Variants in PSPC1 observed in about 807,000 individuals in gnomAD.
The protein encoded by PSPC1 is paraspeckle component 1.
In PSPC1, 14 loss-of-function variants were observed where a neutral mutation model predicts 51.6. The ratio of observed to expected loss-of-function variants is 0.27; its 90% CI spans 0.18 to 0.42. PSPC1 has a LOEUF of 0.42. Among genes scored for constraint, PSPC1 ranks in the 10% least tolerant of loss-of-function variants. PSPC1 has a pLI of 1.00. For synonymous variants in PSPC1, 193 were observed against 231.9 expected (o/e 0.83, Z 1.53); for missense variants, 406 against 701.1 (o/e 0.58, Z 4.75).
intron 6 of PSPC1, among the ~76,000 whole-genome samples, chr13:19,695,456 G>A (rs1452391562): frequency 3.9e-5 from 6 of 152,070 alleles, no homozygotes; most frequent in African/African-American, 7.2e-5. Context: ...AAATTTAATG[G>A]CTTCAGATAA....
Position 19,782,151 on chromosome 13 carries a change from C to A in PSPC1, c.372+235G>T, listed in dbSNP as rs912836562. On this transcript the variant is annotated intron_variant, in intron 1 of 8. Transcript: ENST00000338910. The surrounding 1 kb of genome is among the most constrained non-coding windows in gnomAD (Gnocchi z 4.5). ...GCCACCGCAAAGCACGATCGGCGCA[C>A]GGCAGAAAACGGCGGCCACTGTGAG... Among the ~76,000 whole-genome samples the A allele has an allele frequency of 1.3e-5, 2 of 152,332 alleles. No homozygotes were observed. The highest frequency in any genetic ancestry group is 4.1e-4 in the South Asian group (2 of 4,830).
chr13:19,778,519 T>C (rs1214425378), intron 1 of PSPC1, among the ~76,000 whole-genome samples: 9 of 142,010 alleles, frequency 6.3e-5, no homozygotes, highest in African/African-American at 1.0e-4. Context: ...ATGCCTGCAA[T>C]TGCAGGCACG....
intron 6 of PSPC1, among the ~76,000 whole-genome samples, chr13:19,724,846 A>G (rs942271690): frequency 6.6e-6 from 1 of 152,102 alleles, no homozygotes; most frequent in Non-Finnish European, 1.5e-5. Context: ...TAAAAATACA[A>G]AAATTACCCA....
chr13:19,717,792 C>G (rs1231189094), intron 6 of PSPC1, among the ~76,000 whole-genome samples: 2 of 150,018 alleles, frequency 1.3e-5, no homozygotes, highest in Non-Finnish European at 3.0e-5. Context: ...ACAGGAGAAT[C>G]ACTTGATCAG....
At chr13:19,717,958 C>A (rs1882321552) in intron 6 of PSPC1, among the ~76,000 whole-genome samples, 1 of 151,628 alleles carries the variant, frequency 6.6e-6, no homozygotes, top group Admixed American at 6.6e-5. Context: ...GCAGGAGGAT[C>A]CCTTGAGGTC....
chr13:19,698,280 T>TA (rs1256246709), downstream of PSPC1, among the ~76,000 whole-genome samples: 1 of 151,770 alleles, frequency 6.6e-6, no homozygotes, highest in Non-Finnish European at 1.5e-5. Flanking sequence ...AAATTTTAGA[T>TA]AAAAATTTAG....
intron 2 of PSPC1, among the ~76,000 whole-genome samples, chr13:19,765,507 T>G (rs1282424610): frequency 3.4e-5 from 2 of 58,756 alleles, no homozygotes; most frequent in East Asian, 2.8e-3. Context: ...ATTTTTTTTT[T>G]TTTTTTTTTG....
intron 6 of PSPC1, among the ~76,000 whole-genome samples, chr13:19,691,503 C>CA (rs1356343803): frequency 3.9e-5 from 6 of 152,082 alleles, no homozygotes; most frequent in Non-Finnish European, 8.8e-5. Context: ...GCCTGAGTGA[C>CA]AGAGTGAGAC....
chr13:19,755,268 G>T (rs1886958046), intron 3 of PSPC1, among the ~76,000 whole-genome samples: 1 of 151,684 alleles, frequency 6.6e-6, no homozygotes, highest in Admixed American at 6.6e-5. Context: ...AAAAGAAAGA[G>T]AAATAGCATT....
At chr13:19,710,518 T>C (rs1303844822) in intron 6 of PSPC1, among the ~76,000 whole-genome samples, 15 of 152,234 alleles carry the variant, frequency 9.9e-5, no homozygotes, top group Non-Finnish European at 2.2e-4. Flanking sequence ...AAAGAAAGCA[T>C]AATTACTGTA....
chr13:19,778,832 A>C, intron 1 of PSPC1, among the ~76,000 whole-genome samples: 1 of 56,244 alleles, frequency 1.8e-5, no homozygotes, highest in Non-Finnish European at 3.8e-5. Flanking sequence ...CTGGCCGCCC[A>C]TCGTCTGGGA....
At chr13:19,741,984 T>C (rs557388758) in intron 4 of PSPC1, among the ~76,000 whole-genome samples, 1 of 151,840 alleles carries the variant, frequency 6.6e-6, no homozygotes, top group South Asian at 2.1e-4. Context: ...CTACAAAAAT[T>C]AGCTGGGCAT....
At position 19,758,128 on chromosome 13, in the gene PSPC1, C is replaced by G. The variant is rs182343590; in HGVS notation, c.770+1195G>C. Among the ~76,000 whole-genome samples, 913 of 152,064 alleles carry G rather than the reference C, an allele frequency of 6.0e-3. 5 individuals are homozygous for G. The highest frequency in any genetic ancestry group is 8.6e-3 in the Non-Finnish European group (587 of 67,986). ...AGGAGATCGAGACCATCCTGGCTAACATGGTGAAACCCCGTCTCTACTAAA... is the reference window on the plus strand; with the variant it reads ...AGGAGATCGAGACCATCCTGGCTAAGATGGTGAAACCCCGTCTCTACTAAA... On this transcript the variant is annotated intron_variant, in intron 3 of 8. Coordinates refer to ENST00000338910, the MANE Select transcript of PSPC1 (RefSeq NM_001354909.2).
chr13:19,683,838 G>A (rs926857393), intron 6 of PSPC1, among the ~76,000 whole-genome samples: 2 of 152,024 alleles, frequency 1.3e-5, no homozygotes, highest in African/African-American at 4.8e-5. Context: ...ATGTATATAT[G>A]CCATCTTTTC....
intron 1 of PSPC1, among the ~76,000 whole-genome samples, chr13:19,775,847 G>C (rs1889060488): frequency 6.6e-6 from 1 of 152,106 alleles, no homozygotes; most frequent in South Asian, 2.1e-4. Context: ...TCAGGAGATT[G>C]AGACCATCCT....
intron 3 of PSPC1, among the ~76,000 whole-genome samples, chr13:19,756,403 T>A (rs1887074540): frequency 6.6e-6 from 1 of 152,020 alleles, no homozygotes; most frequent in Admixed American, 6.6e-5. Flanking sequence ...ACCGTTAACA[T>A]ATTTTGGTGA....
intron 6 of PSPC1, among the ~76,000 whole-genome samples, chr13:19,727,372 C>T (rs1458231018): frequency 1.3e-5 from 2 of 151,130 alleles, no homozygotes; most frequent in African/African-American, 2.4e-5. Flanking sequence ...CCAGCCTGAA[C>T]GACAAGAGTG....
chr13:19,759,313 A>G lies in PSPC1; in HGVS notation c.770+10T>C, dbSNP rs1887395008. The stretch of plus-strand genomic sequence containing the variant: ...GTACAGACACAAATTATCTATTAAT[A>G]AAATCTTACTTATGATATTGTTGAG... On this transcript the variant is annotated intron_variant, in intron 3 of 8. Transcript: ENST00000338910. 1.2e-6 allele frequency: 2 copies of G among 1,600,086 alleles called. No individual in the cohort carries two copies. Among genetic ancestry groups the G allele is most frequent in the East Asian group, 4.5e-5 (2 of 44,810 alleles).
intron 4 of PSPC1, among the ~76,000 whole-genome samples, chr13:19,749,779 C>T (rs1030328952): frequency 2.0e-5 from 3 of 151,764 alleles, no homozygotes; most frequent in African/African-American, 7.3e-5. Flanking sequence ...TTACAGGCGC[C>T]CGCCACCACA....
Sources: gnomAD v4.1 joint callset for allele counts (sites outside exome capture counted in the v4.1 genomes callset) on GRCh38, gnomAD v4.1.1 for gene constraint, Gnocchi (gnomAD v3.1) non-coding constraint, MANE v1.5 for transcripts, NCBI Gene and HGNC (gene_info 2026-07-23, HGNC 2026-07-21) for gene names.